The following EAF2 variants were observed in gnomAD, a reference collection of about 807,000 sequenced individuals.
EAF2 encodes the protein ELL associated factor 2.
Under a neutral mutation model 29.4 loss-of-function variants are expected in EAF2, and 29 were observed. That is an observed-to-expected ratio of 0.99 (90% CI 0.73 to 1.35). The LOEUF (loss-of-function observed/expected upper bound fraction) is 1.35, where lower values mean the gene tolerates loss of function less well. Ranked by LOEUF, EAF2 falls within the 40% of genes most tolerant of loss-of-function variation. EAF2 has a pLI of 0.00. For missense variants in EAF2, 292 were observed against 312.0 expected, an observed-to-expected ratio of 0.94 and a Z score of 0.48; for synonymous variants, 103 against 102.5, an observed-to-expected ratio of 1.00 and a Z score of -0.03.
chr3:121,878,943 G>GT (rs1709146890), intron 5 of EAF2, among the ~76,000 whole-genome samples: 1 of 152,078 alleles, frequency 6.6e-6, no homozygotes, highest in East Asian at 1.9e-4. Flanking sequence ...GATCTATATA[G>GT]TTTTTTGAGG....
At chr3:121,850,449 ATTTTC>A in intron 2 of EAF2, among the ~76,000 whole-genome samples, 1 of 148,730 alleles carries the variant, frequency 6.7e-6, no homozygotes. Flanking sequence ...ATATGATTTT[ATTTTC>A]TTATATGAAA....
At chr3:121,846,633 A>G (rs1708534931) in intron 2 of EAF2, among the ~76,000 whole-genome samples, 1 of 152,162 alleles carries the variant, frequency 6.6e-6, no homozygotes, top group Admixed American at 6.5e-5. Context: ...CAACAACAAC[A>G]ACAAACAGGA....
rs1221757062 is a variant in EAF2 at position 121,840,488 on chromosome 3, TAAAAAAAAA to T, written c.107-3953_107-3945del. On this transcript the variant is annotated intron_variant, in intron 1 of 5. Coordinates refer to ENST00000273668, the MANE Select transcript of EAF2 (RefSeq NM_018456.6). The stretch of plus-strand genomic sequence containing the variant: ...CCTGGTGACAGAGGGAGACTTCGTC[TAAAAAAAAA>T]AAAAAAAAAAAGAAAAAAAAAAAAC... Among the ~76,000 whole-genome samples the T allele has an allele frequency of 4.0e-4, 14 of 35,010 alleles. 1 individual carries two copies. The highest frequency in any genetic ancestry group is 1.4e-4 in the Non-Finnish European group (3 of 21,296). 23.0% of individuals were successfully genotyped at this position (35,010 alleles called of 152,430 possible). A position where few individuals can be genotyped will look rare whatever the true frequency, so the allele number is the denominator to read the frequency against.
intron 5 of EAF2, among the ~76,000 whole-genome samples, chr3:121,876,825 GA>G (rs1285037211): frequency 1.3e-5 from 2 of 151,762 alleles, no homozygotes; most frequent in African/African-American, 4.8e-5. Flanking sequence ...AAGGAGAAGT[GA>G]AAGAAAGTGA....
chr3:121,879,243 T>C (rs768901607), intron 5 of EAF2, among the ~76,000 whole-genome samples: 5 of 152,170 alleles, frequency 3.3e-5, no homozygotes, highest in Non-Finnish European at 7.4e-5. Context: ...GGGGGTTCTT[T>C]GGCCATTGAG....
intron 5 of EAF2, among the ~76,000 whole-genome samples, chr3:121,881,846 A>T (rs772634455): frequency 6.6e-6 from 1 of 152,130 alleles, no homozygotes; most frequent in African/African-American, 2.4e-5. Context: ...TATTCCAGTA[A>T]ATTTGACATA....
At chr3:121,837,645 A>T (rs900114446) in intron 1 of EAF2, 10 of 152,250 alleles carry the variant, frequency 6.6e-5, no homozygotes, top group Admixed American at 2.0e-4. Flanking sequence ...CACAGGGTAG[A>T]GAATAAATAG....
chr3:121,841,397 C>CA (rs1708420512), intron 1 of EAF2, among the ~76,000 whole-genome samples: 1 of 150,432 alleles, frequency 6.6e-6, no homozygotes, highest in Non-Finnish European at 1.5e-5. Context: ...CTCAGCTACT[C>CA]AGGAGGCTGA....
intron 4 of EAF2, among the ~76,000 whole-genome samples, chr3:121,862,171 G>A (rs978173081): frequency 6.6e-6 from 1 of 152,166 alleles, no homozygotes; most frequent in Non-Finnish European, 1.5e-5. Flanking sequence ...TTCTCCAGGA[G>A]TATCTTTGTG....
chr3:121,876,577 A>T (rs1182243196), intron 5 of EAF2, among the ~76,000 whole-genome samples: 1 of 151,942 alleles, frequency 6.6e-6, no homozygotes, highest in African/African-American at 2.4e-5. Flanking sequence ...GATTAAAGCT[A>T]AAACTCTAGA....
chr3:121,867,287 G>T (rs1045502003), intron 4 of EAF2, among the ~76,000 whole-genome samples: 3 of 152,138 alleles, frequency 2.0e-5, no homozygotes, highest in African/African-American at 7.2e-5. Flanking sequence ...ACCCACAGAT[G>T]TAAAAACCCG....
At chr3:121,837,741 T>C (rs2107488874) in intron 1 of EAF2, 1 of 152,252 alleles carries the variant, frequency 6.6e-6, no homozygotes, top group Non-Finnish European at 1.5e-5. Flanking sequence ...TGAAACAGCA[T>C]TTATCAGAGT....
chr3:121,869,385 T>C (rs1373397379), intron 4 of EAF2, among the ~76,000 whole-genome samples: 2 of 151,980 alleles, frequency 1.3e-5, no homozygotes, highest in East Asian at 3.9e-4. Flanking sequence ...ATCAATGAAA[T>C]TGAAAACAGT....
intron 4 of EAF2, among the ~76,000 whole-genome samples, chr3:121,869,050 A>C (rs1326817653): frequency 1.3e-5 from 2 of 152,262 alleles, no homozygotes; most frequent in Non-Finnish European, 2.9e-5. Context: ...CAAACTAAAA[A>C]TCAATAACAG....
intron 5 of EAF2, among the ~76,000 whole-genome samples, chr3:121,877,262 G>A (rs538727929): frequency 1.7e-4 from 26 of 151,778 alleles, no homozygotes; most frequent in Non-Finnish European, 3.5e-4. Context: ...AGTAGTAGAA[G>A]TTGACAAGTC....
intron 1 of EAF2, among the ~76,000 whole-genome samples, chr3:121,837,251 T>G (rs1708320391): frequency 1.3e-5 from 2 of 152,198 alleles, no homozygotes; most frequent in Non-Finnish European, 2.9e-5. Flanking sequence ...TTATTATTCT[T>G]GAGGACAGGT....
At chr3:121,884,427 A>G (rs1457287552) in intron 5 of EAF2, among the ~76,000 whole-genome samples, 6 of 149,982 alleles carry the variant, frequency 4.0e-5, no homozygotes, top group Non-Finnish European at 7.4e-5. Flanking sequence ...TTTCTTATTT[A>G]TTTATTTATT....
chr3:121,850,293 A>C (rs1046721548), intron 2 of EAF2, among the ~76,000 whole-genome samples: 3 of 150,322 alleles, frequency 2.0e-5, no homozygotes, highest in African/African-American at 7.3e-5. Context: ...ATTCTTTATT[A>C]GTTTTACCAA....
At chr3:121,859,417 A>T (rs1475011491) in intron 4 of EAF2, among the ~76,000 whole-genome samples, 1 of 151,918 alleles carries the variant, frequency 6.6e-6, no homozygotes, top group African/African-American at 2.4e-5. Context: ...TAGGTATTTT[A>T]TTCTCTTTGA....
Sources: allele counts gnomAD v4.1 joint callset (sites outside exome capture counted in the v4.1 genomes callset), GRCh38; gene constraint gnomAD v4.1.1; transcripts MANE v1.5; gene names NCBI Gene and HGNC (gene_info 2026-07-23, HGNC 2026-07-21).